The following PSMD1 variants were observed in gnomAD, a reference collection of about 807,000 sequenced individuals.
PSMD1 encodes the protein 26S proteasome non-ATPase regulatory subunit 1.
PSMD1 carries 18 observed loss-of-function variants against 119.0 expected under a neutral mutation model. The observed-to-expected ratio is 0.15, with a 90% confidence interval of 0.10 to 0.22. The LOEUF is 0.22. Ranked by LOEUF, PSMD1 falls within the 10% of genes least tolerant of loss-of-function variation. The probability of loss-of-function intolerance (pLI) is 1.00; values close to 1 mark genes in which losing one functional copy is unlikely to be tolerated. For synonymous variants in PSMD1, 374 were observed against 396.6 expected (o/e 0.94, Z 0.68); for missense variants, 702 against 1,158.5 (o/e 0.61, Z 5.72).
chr2:231,065,627 G>A (rs1693893301), intron 4 of PSMD1, among the ~76,000 whole-genome samples: 1 of 152,154 alleles, frequency 6.6e-6, no homozygotes, highest in Non-Finnish European at 1.5e-5. Flanking sequence ...TCCTTATGAA[G>A]GTGGAAGGCT....
intron 24 of PSMD1, among the ~76,000 whole-genome samples, chr2:231,171,440 G>A (rs768516085): frequency 6.6e-6 from 1 of 151,606 alleles, no homozygotes; most frequent in African/African-American, 2.4e-5. Flanking sequence ...TGAAATTGTC[G>A]TTCTTCATTT....
chr2:231,083,450 A>G (rs1341761399), intron 13 of PSMD1, 117 bp from the exon 14 acceptor site: 18 of 1,071,206 alleles, frequency 1.7e-5, no homozygotes, highest in Non-Finnish European at 1.8e-5. Flanking sequence ...AAAAAATGCT[A>G]TCAGAAGCTA....
chr2:231,112,487 A>C (rs1278091398), intron 16 of PSMD1, among the ~76,000 whole-genome samples: 2 of 152,158 alleles, frequency 1.3e-5, no homozygotes, highest in African/African-American at 4.8e-5. Flanking sequence ...AAGCCCTTAT[A>C]TCATCATTTC....
chr2:231,080,073 T>C, intron 11 of PSMD1, 68 bp from the exon 12 acceptor site: 1 of 1,387,724 alleles, frequency 7.2e-7, no homozygotes, highest in Non-Finnish European at 9.8e-7. Context: ...GCAGTAATCA[T>C]AGAAAACATT....
At chr2:231,155,235 A>T (rs1234300627) in intron 19 of PSMD1, among the ~76,000 whole-genome samples, 1 of 151,890 alleles carries the variant, frequency 6.6e-6, no homozygotes, top group African/African-American at 2.4e-5. Context: ...TTAAGGGAGC[A>T]TTTTTTTTCA....
At chr2:231,094,495 A>G (rs758772277) in intron 16 of PSMD1, among the ~76,000 whole-genome samples, 12 of 152,160 alleles carry the variant, frequency 7.9e-5, no homozygotes, top group Non-Finnish European at 1.8e-4. Context: ...GGGCTGTTTC[A>G]AGGTTCTGCA....
chr2:231,130,408 A>G (rs938777849), intron 16 of PSMD1, among the ~76,000 whole-genome samples: 3 of 152,232 alleles, frequency 2.0e-5, no homozygotes, highest in African/African-American at 7.2e-5. Context: ...CCTAAAATAA[A>G]GTCCAGTGTT....
intron 16 of PSMD1, among the ~76,000 whole-genome samples, chr2:231,090,821 A>C (rs1694571169): frequency 6.6e-6 from 1 of 152,226 alleles, no homozygotes; most frequent in South Asian, 2.1e-4. Flanking sequence ...AAATAACAAG[A>C]GAACTAGAAC....
At chr2:231,087,922 A>G (rs1694492025) in intron 16 of PSMD1, among the ~76,000 whole-genome samples, 1 of 151,800 alleles carries the variant, frequency 6.6e-6, no homozygotes, top group Non-Finnish European at 1.5e-5. Flanking sequence ...AGATCGCGCC[A>G]CTGCACTCCA....
chr2:231,077,374 C>T (rs1458549114), intron 9 of PSMD1, among the ~76,000 whole-genome samples: 2 of 151,948 alleles, frequency 1.3e-5, no homozygotes, highest in African/African-American at 4.8e-5. Flanking sequence ...TGTTTTTATG[C>T]TTATCTCTTA....
At chr2:231,147,424 G>A (rs1696278336) in intron 18 of PSMD1, among the ~76,000 whole-genome samples, 2 of 152,196 alleles carry the variant, frequency 1.3e-5, no homozygotes, top group African/African-American at 4.8e-5. Flanking sequence ...TTAAGCCCAG[G>A]AGGCCAAGGC....
At chr2:231,149,673 G>C (rs1186887257) in intron 18 of PSMD1, among the ~76,000 whole-genome samples, 1 of 152,178 alleles carries the variant, frequency 6.6e-6, no homozygotes, top group Non-Finnish European at 1.5e-5. Flanking sequence ...TTAAGCTCCT[G>C]CAGTTCTAAA....
At chr2:231,068,610 G>A (rs1038362992) in intron 5 of PSMD1, among the ~76,000 whole-genome samples, 2 of 152,106 alleles carry the variant, frequency 1.3e-5, no homozygotes, top group South Asian at 2.1e-4. Flanking sequence ...CTAGCACAAC[G>A]AAATCTCTCA....
intron 24 of PSMD1, among the ~76,000 whole-genome samples, chr2:231,171,747 G>A (rs1349194873): frequency 5.3e-5 from 8 of 151,834 alleles, no homozygotes; most frequent in Non-Finnish European, 1.0e-4. Context: ...GTAGTGACAG[G>A]GTTTCTCCAT....
intron 17 of PSMD1, among the ~76,000 whole-genome samples, chr2:231,139,578 AG>A (rs1439001065): frequency 1.5e-4 from 23 of 148,846 alleles, no homozygotes; most frequent in South Asian, 6.3e-4. Flanking sequence ...AAAAAAAAGA[AG>A]AAGAAGAAGA....
In PSMD1 at chr2:231,061,162, C is replaced by A. The variant is rs77142365; in HGVS notation, c.17-105C>A. On this transcript the variant is annotated intron_variant, in intron 1 of 24. Coordinates refer to ENST00000308696, the MANE Select transcript of PSMD1 (RefSeq NM_002807.4). ...TAATCATTCCCCTGGAGAAGTTACGCCTCAAAAAAATTGTTTTTCAGCCAT... is the reference window on the plus strand; with the variant it reads ...TAATCATTCCCCTGGAGAAGTTACGACTCAAAAAAATTGTTTTTCAGCCAT... The A allele has an allele frequency of 2.6e-3, 1,953 of 755,652 alleles. 31 individuals carry two copies. The African/African-American group carries it at 0.031, about 12-fold the overall frequency. The allele number at this position is 755,652 out of a possible 1,614,324, so 46.8% of individuals were successfully genotyped here.
At chr2:231,083,530 A>G (rs371038982) in intron 13 of PSMD1, 37 bp from the exon 14 acceptor site, 128 of 1,606,764 alleles carry the variant, frequency 8.0e-5, no homozygotes, top group Middle Eastern at 1.6e-4. Flanking sequence ...CTTTAAAAAC[A>G]TAACTCTCTG....
At chr2:231,066,802 T>G (rs1386741327) in intron 4 of PSMD1, 104 bp from the exon 5 acceptor site, 2 of 955,054 alleles carry the variant, frequency 2.1e-6, no homozygotes, top group African/African-American at 3.3e-5. Flanking sequence ...GCTTATTGCT[T>G]TATAGTCATC....
chr2:231,164,955 C>G (rs1260156145), intron 21 of PSMD1: 1 of 173,218 alleles, frequency 5.8e-6, no homozygotes, highest in African/African-American at 2.4e-5. Flanking sequence ...ACTAAAGATT[C>G]ACTTGATGAC....
Sources: allele counts gnomAD v4.1 joint callset (sites outside exome capture counted in the v4.1 genomes callset), GRCh38; gene constraint gnomAD v4.1.1; transcripts MANE v1.5; gene names NCBI Gene and HGNC (gene_info 2026-07-23, HGNC 2026-07-21).